The following MAPRE2 variants were observed in gnomAD, a reference collection of about 807,000 sequenced individuals.
The protein encoded by MAPRE2 is microtubule-associated protein RP/EB family member 2.
MAPRE2 carries 13 observed loss-of-function variants against 43.2 expected under a neutral mutation model. The observed-to-expected ratio is 0.30, with a 90% CI of 0.20 to 0.48. MAPRE2 has a LOEUF of 0.48. MAPRE2 is among the 20% of genes least tolerant of loss of function. MAPRE2 has a pLI of 0.99. For synonymous variants in MAPRE2, 135 were observed against 148.8 expected (o/e 0.91, Z 0.68); for missense variants, 161 against 400.2 (o/e 0.40, Z 5.10).
intron 2 of MAPRE2, among the ~76,000 whole-genome samples, chr18:35,081,030 C>T (rs149244506): frequency 6.6e-6 from 1 of 152,268 alleles, no homozygotes; most frequent in African/African-American, 2.4e-5. Context: ...TGAGGAGGAT[C>T]GTTCTCCATT....
At chr18:35,123,683 C>T (rs1909784169) in intron 4 of MAPRE2, among the ~76,000 whole-genome samples, 1 of 152,216 alleles carries the variant, frequency 6.6e-6, no homozygotes, top group Admixed American at 6.5e-5. Flanking sequence ...TCCTTCTTGT[C>T]TTGCTGGTTC....
At chr18:35,017,979 T>C (rs1172715927) in intron 2 of MAPRE2, among the ~76,000 whole-genome samples, 1 of 151,858 alleles carries the variant, frequency 6.6e-6, no homozygotes, top group African/African-American at 2.4e-5. Context: ...ATGGCTCTTA[T>C]TATTATGAGG....
At chr18:35,037,613 T>C (rs564913988), upstream of MAPRE2, among the ~76,000 whole-genome samples, 7 of 152,284 alleles carry the variant, frequency 4.6e-5, no homozygotes, top group East Asian at 1.4e-3. Flanking sequence ...CCTGTGTACA[T>C]AAGACAAAAC....
chr18:35,041,730 A>G (rs1905379616), intron 1 of MAPRE2, 69 bp downstream of exon 1: 9 of 1,611,132 alleles, frequency 5.6e-6, no homozygotes, highest in African/African-American at 2.7e-5. Flanking sequence ...AGCCCGTTAT[A>G]TAATGGAGCA....
intron 4 of MAPRE2, among the ~76,000 whole-genome samples, chr18:35,123,816 TGGGTTA>T (rs1909790772): frequency 6.6e-6 from 1 of 152,242 alleles, no homozygotes; most frequent in Non-Finnish European, 1.5e-5. Context: ...TGAATTTCTC[TGGGTTA>T]GGCACTGTGA....
chr18:35,110,013 T>C lies in MAPRE2; in HGVS notation c.610+7854T>C, dbSNP rs1290044591. ...CTCTTTGCACTAATTTTTTAGGGGT[T>C]GCTCTAAGGATTACAATATATATTC... On this transcript the variant is annotated intron_variant, in intron 4 of 6. Coordinates refer to ENST00000300249, the MANE Select transcript of MAPRE2 (RefSeq NM_014268.4). Among the ~76,000 whole-genome samples, 6 of 152,190 alleles carry C rather than the reference T, an allele frequency of 3.9e-5. No homozygotes were observed. In the East Asian group the frequency reaches 1.2e-3, roughly 29 times the overall value.
chr18:35,110,479 A>G (rs1334509531), intron 4 of MAPRE2, among the ~76,000 whole-genome samples: 1 of 152,110 alleles, frequency 6.6e-6, no homozygotes, highest in East Asian at 1.9e-4. Flanking sequence ...TTAAACAGTC[A>G]TATCTATTGT....
chr18:34,978,513 G>A lies in MAPRE2; in HGVS notation c.-70+1434G>A, dbSNP rs375468493. The A allele has an allele frequency of 5.8e-6, 9 of 1,551,470 alleles. No individual in the cohort carries two copies. In the African/African-American group the frequency reaches 1.2e-4, roughly 21 times the overall value. ...TTACACTTTTGCTGAATAGGACACT[G>A]TGGAATGAAACAGAACAGAGATCAA... On this transcript the variant is annotated intron_variant, in intron 1 of 7. Coordinates refer to the MAPRE2 transcript ENST00000413393.
intron 4 of MAPRE2, among the ~76,000 whole-genome samples, chr18:35,121,367 CATTA>C (rs1358786382): frequency 1.3e-5 from 2 of 152,140 alleles, no homozygotes; most frequent in Non-Finnish European, 2.9e-5. Flanking sequence ...ATCCTAAAGG[CATTA>C]ATTAAGACAC....
At chr18:35,061,031 A>G (rs1348421977) in intron 1 of MAPRE2, among the ~76,000 whole-genome samples, 1 of 152,242 alleles carries the variant, frequency 6.6e-6, no homozygotes, top group Non-Finnish European at 1.5e-5. Flanking sequence ...GCACCCTGAA[A>G]AAGAGTATTA....
intron 1 of MAPRE2, among the ~76,000 whole-genome samples, chr18:35,062,850 T>G (rs1174459932): frequency 6.6e-6 from 1 of 152,268 alleles, no homozygotes; most frequent in Non-Finnish European, 1.5e-5. Context: ...ATATACTTTT[T>G]CTTTATATCT....
intron 6 of MAPRE2, 148 bp downstream of exon 6, chr18:35,132,338 A>T: frequency 1.5e-6 from 1 of 681,108 alleles, no homozygotes; most frequent in South Asian, 2.1e-5. Context: ...AAAGGAATAA[A>T]CATCGTTATC....
chr18:35,027,048 T>G (rs571036790), intron 2 of MAPRE2, among the ~76,000 whole-genome samples: 2 of 152,240 alleles, frequency 1.3e-5, no homozygotes, highest in East Asian at 3.8e-4. Context: ...AACTCCGAAG[T>G]TGAACATTCA....
At chr18:35,000,096 A>G (rs1037191009) in intron 1 of MAPRE2, among the ~76,000 whole-genome samples, 9 of 152,158 alleles carry the variant, frequency 5.9e-5, no homozygotes, top group Non-Finnish European at 1.3e-4. Flanking sequence ...AATGTGATCT[A>G]CAACTGAAGG....
At chr18:35,041,722 C>A (rs1905379248) in intron 1 of MAPRE2, 61 bp downstream of exon 1, 1 of 1,612,338 alleles carries the variant, frequency 6.2e-7, no homozygotes, top group Non-Finnish European at 8.5e-7. Context: ...GGAAATCCAG[C>A]CCGTTATATA....
chr18:35,076,687 A>G (rs766907014), intron 2 of MAPRE2, among the ~76,000 whole-genome samples: 1 of 152,214 alleles, frequency 6.6e-6, no homozygotes, highest in Non-Finnish European at 1.5e-5. Flanking sequence ...CTAAAGAAAT[A>G]TAAAGGATTT....
At chr18:35,041,250 G>C (rs1052143200), upstream of MAPRE2, 2 of 1,220,404 alleles carry the variant, frequency 1.6e-6, no homozygotes, top group Non-Finnish European at 2.1e-6. Context: ...TGGAGCTGCT[G>C]GCGTGGTCAC....
chr18:34,982,931 T>C (rs2097017163), intron 1 of MAPRE2, among the ~76,000 whole-genome samples: 1 of 152,124 alleles, frequency 6.6e-6, no homozygotes, highest in Non-Finnish European at 1.5e-5. Flanking sequence ...GAAATTCAAA[T>C]TTCTGTGTCC....
At chr18:35,013,880 T>C (rs911196263) in intron 2 of MAPRE2, among the ~76,000 whole-genome samples, 1 of 152,198 alleles carries the variant, frequency 6.6e-6, no homozygotes, top group African/African-American at 2.4e-5. Flanking sequence ...TGGCATTGTG[T>C]GTATATACTA....
Sources: gnomAD v4.1 joint callset for allele counts (sites outside exome capture counted in the v4.1 genomes callset) on GRCh38, gnomAD v4.1.1 for gene constraint, MANE v1.5 for transcripts, NCBI Gene and HGNC (gene_info 2026-07-23, HGNC 2026-07-21) for gene names.